GSE1: variants seen among roughly 807,000 people sequenced by gnomAD.
GSE1 encodes Gse1 coiled-coil protein, also known as genetic suppressor element 1.
A neutral mutation model predicts 112.6 loss-of-function variants in GSE1; 32 were observed. The ratio of observed to expected loss-of-function variants is 0.28; its 90% CI spans 0.21 to 0.38. The LOEUF (loss-of-function observed/expected upper bound fraction) is 0.38. GSE1 is among the 10% of genes least tolerant of loss of function. The pLI is 1.00. For synonymous variants in GSE1, 1,115 were observed against 735.6 expected (o/e 1.52, Z -8.35); for missense variants, 2,348 against 1,699.2 (o/e 1.38, Z -6.71).
intron 1 of GSE1, among the ~76,000 whole-genome samples, chr16:85,630,910 A>T (rs536374001): frequency 6.6e-6 from 1 of 152,058 alleles, no homozygotes; most frequent in African/African-American, 2.4e-5. Context: ...GTGGTGGGTG[A>T]CAGTTCAGCT....
chr16:85,313,298 T>G (rs1276752820), intron 1 of GSE1, among the ~76,000 whole-genome samples: 1 of 152,104 alleles, frequency 6.6e-6, no homozygotes, highest in South Asian at 2.1e-4. Context: ...CCCCTTGTCC[T>G]GCGTGTCTTC....
intron 1 of GSE1, among the ~76,000 whole-genome samples, chr16:85,203,872 G>T (rs1336890575): frequency 1.3e-5 from 2 of 152,110 alleles, no homozygotes; most frequent in East Asian, 3.8e-4. Flanking sequence ...TGAGTAGCTG[G>T]GACTACAGGT....
intron 1 of GSE1, among the ~76,000 whole-genome samples, chr16:85,296,515 T>C (rs1337764897): frequency 6.6e-6 from 1 of 152,110 alleles, no homozygotes; most frequent in Non-Finnish European, 1.5e-5. Flanking sequence ...GCTGAGGCAC[T>C]AGAATCGTTT....
chr16:85,647,323 T>A (rs2151862732), intron 2 of GSE1, among the ~76,000 whole-genome samples: 1 of 152,304 alleles, frequency 6.6e-6, no homozygotes, highest in South Asian at 2.1e-4. Context: ...TTTTGGGGGC[T>A]GAGGGGTTCT....
chr16:85,215,167 C>G (rs528318282), intron 1 of GSE1, among the ~76,000 whole-genome samples: 1 of 152,318 alleles, frequency 6.6e-6, no homozygotes, highest in East Asian at 1.9e-4. Context: ...TCTGTGGAGT[C>G]AGATCCCTGC....
chr16:85,181,928 G>A (rs927724716), intron 1 of GSE1, among the ~76,000 whole-genome samples: 26 of 152,336 alleles, frequency 1.7e-4, no homozygotes, highest in South Asian at 1.2e-3. Context: ...GAGCTGGCGC[G>A]TCCTCCAGGC....
intron 2 of GSE1, among the ~76,000 whole-genome samples, chr16:85,516,693 T>C (rs1488661171): frequency 6.6e-6 from 1 of 151,506 alleles, no homozygotes; most frequent in African/African-American, 2.4e-5. Context: ...AAGGCCCCCC[T>C]GCCATTTTTT....
upstream of GSE1, among the ~76,000 whole-genome samples, chr16:85,551,273 T>G (rs1392424457): frequency 6.6e-6 from 1 of 152,190 alleles, no homozygotes; most frequent in East Asian, 1.9e-4. Context: ...ACAGAATCCC[T>G]CTGGTGTGAA....
intron 1 of GSE1, among the ~76,000 whole-genome samples, chr16:85,627,845 C>T (rs2049207746): frequency 6.6e-6 from 1 of 152,210 alleles, no homozygotes; most frequent in African/African-American, 2.4e-5. Flanking sequence ...GGGGGGTGTG[C>T]TCTCCCAGGG....
At chr16:85,226,915 A>G (rs1379048039) in intron 1 of GSE1, among the ~76,000 whole-genome samples, 1 of 151,932 alleles carries the variant, frequency 6.6e-6, no homozygotes, top group Non-Finnish European at 1.5e-5. Flanking sequence ...ATCTGGCCCG[A>G]AAACTGAGGT....
chr16:85,217,823 C>G (rs185982949), intron 1 of GSE1, among the ~76,000 whole-genome samples: 1 of 152,206 alleles, frequency 6.6e-6, no homozygotes, highest in Admixed American at 6.5e-5. Flanking sequence ...GAAGCCCTCC[C>G]TGACTACCAC....
intron 2 of GSE1, among the ~76,000 whole-genome samples, chr16:85,412,504 C>T (rs1410153812): frequency 1.2e-4 from 4 of 32,456 alleles, no homozygotes; most frequent in Admixed American, 3.7e-4. Context: ...TCAGGGCCCC[C>T]CTGGATAATC....
chr16:85,235,427 ACTGTGT>A (rs1384857984), intron 1 of GSE1, among the ~76,000 whole-genome samples: 1 of 64,944 alleles, frequency 1.5e-5, no homozygotes, highest in Non-Finnish European at 3.2e-5. Context: ...ATGGAAGGGT[ACTGTGT>A]GTGTGTGTGT....
At chr16:85,190,099 A>G (rs1245466103) in intron 1 of GSE1, among the ~76,000 whole-genome samples, 2 of 152,192 alleles carry the variant, frequency 1.3e-5, no homozygotes, top group African/African-American at 2.4e-5. Flanking sequence ...ATCTAGGTCT[A>G]AGGGCACACT....
chr16:85,648,511 C>G, intron 2 of GSE1, 41 bp from the exon 3 acceptor site: 3 of 1,102,760 alleles, frequency 2.7e-6, no homozygotes, highest in Middle Eastern at 2.1e-4. Context: ...ACGTGGCTGT[C>G]ACTGCGGCTC....
At chr16:85,287,134 T>A (rs1220139742) in intron 1 of GSE1, among the ~76,000 whole-genome samples, 2 of 152,238 alleles carry the variant, frequency 1.3e-5, no homozygotes, top group Non-Finnish European at 2.9e-5. Flanking sequence ...CTGAGAACTC[T>A]GGCTCATGCA....
chr16:85,662,192 C>T (rs539654914), intron 9 of GSE1: 22 of 170,424 alleles, frequency 1.3e-4, no homozygotes, highest in South Asian at 5.0e-4. Context: ...GAGGACGCGG[C>T]GGCTGGCACT....
At chr16:85,563,439 G>A (rs951708180) in intron 1 of GSE1, among the ~76,000 whole-genome samples, 7 of 152,198 alleles carry the variant, frequency 4.6e-5, no homozygotes, top group South Asian at 2.1e-4. Context: ...TGGGGTTGGC[G>A]CTGGTCGTTA....
chr16:85,655,998 C>T, intron 6 of GSE1, 81 bp downstream of exon 6: 1 of 1,119,916 alleles, frequency 8.9e-7, no homozygotes. Context: ...GGGCTGGAAC[C>T]TGACTGGACT....
Sources: gnomAD v4.1 joint callset for allele counts (sites outside exome capture counted in the v4.1 genomes callset) on GRCh38, gnomAD v4.1.1 for gene constraint, MANE v1.5 for transcripts, NCBI Gene and HGNC (gene_info 2026-07-23, HGNC 2026-07-21) for gene names.